The following AGO2 variants were observed in gnomAD, a reference collection of about 807,000 sequenced individuals.
AGO2 encodes the protein argonaute RISC catalytic component 2.
Under a neutral mutation model 102.3 loss-of-function variants are expected in AGO2, and 5 were observed. The observed-to-expected ratio is 0.05, with a 90% confidence interval of 0.03 to 0.10. The LOEUF (loss-of-function observed/expected upper bound fraction) is 0.10, where lower values mean the gene tolerates loss of function less well. Ranked by LOEUF, AGO2 falls within the 10% of genes least tolerant of loss-of-function variation. AGO2 has a pLI of 1.00. For missense variants in AGO2, 541 were observed against 1,183.7 expected, an observed-to-expected ratio of 0.46 and a Z score of 7.97; for synonymous variants, 449 against 473.1, an observed-to-expected ratio of 0.95 and a Z score of 0.66.
chr8:140,596,476 G>A (rs972487905), intron 1 of AGO2, among the ~76,000 whole-genome samples: 7 of 152,208 alleles, frequency 4.6e-5, no homozygotes, highest in African/African-American at 1.7e-4. Context: ...CCAGCTACTC[G>A]GGAGGCTGAG....
intron 12 of AGO2, 33 bp from the exon 13 acceptor site, chr8:140,547,660 C>T (rs374375164): frequency 2.1e-5 from 33 of 1,586,020 alleles, no homozygotes; most frequent in Admixed American, 1.9e-4. Flanking sequence ...ACAGCTCTGC[C>T]GGCGCCCCTT....
At position 140,560,423 on chromosome 8, in the gene AGO2, G is replaced by A; in HGVS notation, c.606C>T (p.Phe202=). Residue 202 remains phenylalanine, a synonymous_variant, in exon 5 of 19, where the codon TTC becomes TTT. Transcript: ENST00000220592. ...AGAGAGAAGGCCGGACGGACTGATG[G>A]AAGCCAAACCACACTTCTCGGCCCC... ...LGGGREVWFG[F]HQSVRPSLWK... is the part of the protein sequence containing the mutation. 2 of 1,614,242 alleles carry A rather than the reference G, an allele frequency of 1.2e-6. No individual in the cohort carries two copies. The highest frequency in any genetic ancestry group is 1.6e-4 in the Middle Eastern group (1 of 6,062).
chr8:140,618,849 T>C lies in AGO2; in HGVS notation c.22+16636A>G, dbSNP rs536216671. ...AAGAAAAGAAAAGAAAACATATTTC[T>C]TGTGAGTAATATTACAGGTGGTTTT... On this transcript the variant is annotated intron_variant, in intron 1 of 18. Transcript: ENST00000220592. Among the ~76,000 whole-genome samples the C allele has an allele frequency of 2.6e-5, 4 of 151,966 alleles. No individual in the cohort carries two copies. In the South Asian group the frequency reaches 8.3e-4, roughly 32 times the overall value.
At position 140,541,095 on chromosome 8, in the gene AGO2, G is replaced by A. The variant is rs1588439797; in HGVS notation, c.2034+69C>T. ...TCATTCTTGCCATTCATCGAGCGTGGTTCTGCTGCACAAACAGGTGAATTA... is the reference window on the plus strand; with the variant it reads ...TCATTCTTGCCATTCATCGAGCGTGATTCTGCTGCACAAACAGGTGAATTA... On this transcript the variant is annotated intron_variant, in intron 15 of 18. Transcript: ENST00000220592. 3 of 1,436,054 alleles carry A rather than the reference G, an allele frequency of 2.1e-6. No homozygotes were observed. In the East Asian group the frequency reaches 7.5e-5, roughly 36 times the overall value. 89.0% of individuals were successfully genotyped at this position (1,436,054 alleles called of 1,614,324 possible). A position where few individuals can be genotyped will look rare whatever the true frequency, so the allele number is the denominator to read the frequency against.
intron 2 of AGO2, among the ~76,000 whole-genome samples, chr8:140,580,406 A>C (rs1210918799): frequency 6.6e-6 from 1 of 152,226 alleles, no homozygotes; most frequent in Non-Finnish European, 1.5e-5. Flanking sequence ...GGTTTTGGGA[A>C]CTCACGACTA....
At position 140,524,287 on chromosome 8, in the gene AGO2, G is replaced by A. The variant is rs1204047405; in HGVS notation, c.*7757C>T. 1 of 152,188 alleles carries A rather than the reference G, an allele frequency of 6.6e-6. No homozygotes were observed. The highest frequency in any genetic ancestry group is 6.5e-5 in the Admixed American group (1 of 15,272). 9.4% of individuals were successfully genotyped at this position (152,188 alleles called of 1,614,324 possible). A position where few individuals can be genotyped will look rare whatever the true frequency, so the allele number is the denominator to read the frequency against. On this transcript the variant is annotated 3_prime_UTR_variant, in exon 19 of 19. Transcript: ENST00000220592. ...ATAAATATTCTTCTCGAGTGACTATGAGAACAAGACCACCAGGCTTTGCTG... is the reference window on the plus strand; with the variant it reads ...ATAAATATTCTTCTCGAGTGACTATAAGAACAAGACCACCAGGCTTTGCTG...
At position 140,520,641 on chromosome 8, in the gene AGO2, A is replaced by C. The variant is rs1469938387; in HGVS notation, c.*11403T>G. 1 of 152,142 alleles carries C rather than the reference A, an allele frequency of 6.6e-6. No homozygotes were observed. Among genetic ancestry groups the C allele is most frequent in the African/African-American group, 2.4e-5 (1 of 41,420 alleles). 9.4% of individuals were successfully genotyped at this position (152,142 alleles called of 1,614,324 possible). A position where few individuals can be genotyped will look rare whatever the true frequency, so the allele number is the denominator to read the frequency against. On this transcript the variant is annotated 3_prime_UTR_variant, in exon 19 of 19. Transcript: ENST00000220592. ...GAGGCTCGGGCTGCCTGATTTCAGC[A>C]ACACATTTAGGATCATGCTACTTCC...
At chr8:140,549,643 G>A (rs1027173381) in intron 11 of AGO2, among the ~76,000 whole-genome samples, 4 of 152,378 alleles carry the variant, frequency 2.6e-5, no homozygotes, top group Admixed American at 1.3e-4. Flanking sequence ...TGCTGTCCCC[G>A]TAAAGCTGCT....
At chr8:140,608,846 T>C (rs2074039141) in intron 1 of AGO2, among the ~76,000 whole-genome samples, 1 of 152,212 alleles carries the variant, frequency 6.6e-6, no homozygotes, top group South Asian at 2.1e-4. Flanking sequence ...AATGTCTGGA[T>C]ACCTGAATCA....
intron 1 of AGO2, among the ~76,000 whole-genome samples, chr8:140,587,017 G>A (rs1410463768): frequency 2.6e-5 from 4 of 152,132 alleles, no homozygotes; most frequent in Non-Finnish European, 1.5e-5. Flanking sequence ...GCTGGAACAC[G>A]AGCTACTTGC....
intron 1 of AGO2, among the ~76,000 whole-genome samples, chr8:140,595,921 A>G (rs1374502723): frequency 3.5e-5 from 4 of 112,768 alleles, no homozygotes; most frequent in African/African-American, 1.4e-4. Flanking sequence ...AATATATATT[A>G]TGTATATAAA....
chr8:140,541,478 TGTCAAG>T, intron 14 of AGO2, 120 bp from the exon 15 acceptor site: 2 of 956,742 alleles, frequency 2.1e-6, no homozygotes, highest in Non-Finnish European at 3.0e-6. Context: ...CTCATGTCAC[TGTCAAG>T]TGACAATGGC....
At chr8:140,640,326 GTTTGT>G (rs941813526), upstream of AGO2, among the ~76,000 whole-genome samples, 1 of 151,932 alleles carries the variant, frequency 6.6e-6, no homozygotes, top group African/African-American at 2.4e-5. Flanking sequence ...CATTCTTTTT[GTTTGT>G]TTTATTATTT....
intron 3 of AGO2, among the ~76,000 whole-genome samples, chr8:140,568,398 C>T (rs2073325834): frequency 6.6e-6 from 1 of 152,170 alleles, no homozygotes; most frequent in Non-Finnish European, 1.5e-5. Flanking sequence ...TGGCTATGGC[C>T]CTGGCTGAGC....
At chr8:140,586,512 AAACT>A (rs2073658539) in intron 1 of AGO2, among the ~76,000 whole-genome samples, 1 of 152,274 alleles carries the variant, frequency 6.6e-6, no homozygotes, top group East Asian at 1.9e-4. Flanking sequence ...ACAAACAAAC[AAACT>A]GAGTCCTCAA....
In AGO2 at chr8:140,532,613, C is replaced by G. The variant is rs370755031; in HGVS notation, c.2274G>C (p.Gly758=). 1 of 1,613,972 alleles carries G rather than the reference C, an allele frequency of 6.2e-7. No individual in the cohort carries two copies. The highest frequency in any genetic ancestry group is 1.3e-5 in the African/African-American group (1 of 74,958). Residue 758 remains glycine (G), a splice_region_variant and synonymous_variant, in exon 18 of 19, where the codon GGG becomes GGC. Transcript: ENST00000220592. The part of the protein sequence containing the change: ...FYLCSHAGIQ[G]TSRPSHYHVL... ...CGTGATAGTGCGAAGGCCTGCTTGT[C>G]CCCTAAAGCAGATCAGAAGATTAGA... is the stretch of plus-strand genomic sequence containing the variant.
chr8:140,608,772 C>A (rs942312727), intron 1 of AGO2, among the ~76,000 whole-genome samples: 5 of 152,234 alleles, frequency 3.3e-5, no homozygotes, highest in Non-Finnish European at 5.9e-5. Flanking sequence ...GAGGGGTGTC[C>A]CTGCGAGACC....
intron 1 of AGO2, among the ~76,000 whole-genome samples, chr8:140,634,776 C>G (rs572563639): frequency 6.6e-6 from 1 of 152,320 alleles, no homozygotes; most frequent in Admixed American, 6.5e-5. Context: ...GCCGCGCACG[C>G]AGTTTGAGGG....
At chr8:140,560,039 G>A (rs1745897152) in intron 5 of AGO2, among the ~76,000 whole-genome samples, 1 of 152,204 alleles carries the variant, frequency 6.6e-6, no homozygotes, top group Non-Finnish European at 1.5e-5. Context: ...CAGCGACTAA[G>A]CCTCCCAAGA....
Sources: gnomAD v4.1 joint callset for allele counts (sites outside exome capture counted in the v4.1 genomes callset) on GRCh38, gnomAD v4.1.1 for gene constraint, MANE v1.5 for transcripts, NCBI Gene and HGNC (gene_info 2026-07-23, HGNC 2026-07-21) for gene names.